Variants in ACOT11 observed in about 807,000 individuals in gnomAD.
ACOT11 encodes acyl-coenzyme A thioesterase 11.
In ACOT11, 69 loss-of-function variants were observed where a neutral mutation model predicts 77.5. The observed-to-expected ratio is 0.89, with a 90% CI of 0.73 to 1.09. ACOT11 has a LOEUF of 1.09. Ranked by LOEUF, ACOT11 falls within the 50% of genes least tolerant of loss-of-function variation. The pLI, the probability that ACOT11 is intolerant of heterozygous loss-of-function variation, is 0.00. For missense variants in ACOT11, 766 were observed against 813.7 expected (o/e 0.94, Z 0.71); for synonymous variants, 279 against 313.0 (o/e 0.89, Z 1.15).
At chr1:54,587,918 C>G (rs1206332875) in intron 3 of ACOT11, among the ~76,000 whole-genome samples, 1 of 151,834 alleles carries the variant, frequency 6.6e-6, no homozygotes, top group African/African-American at 2.4e-5. Context: ...CATTGTATCT[C>G]TAAAGATAGT....
chr1:54,627,880 T>A (rs1644280346), intron 15 of ACOT11, among the ~76,000 whole-genome samples: 1 of 132,342 alleles, frequency 7.6e-6, no homozygotes, highest in African/African-American at 2.6e-5. Flanking sequence ...GAGAAGAGCC[T>A]GTTTGGGAGC....
In ACOT11 at chr1:54,609,519, C is replaced by T; in HGVS notation, c.*407C>T. On this transcript the variant is annotated 3_prime_UTR_variant, in exon 16 of 16. Coordinates refer to ENST00000343744, the MANE Select transcript of ACOT11 (RefSeq NM_147161.4). ...TGGAAGGACACAGGTTGCCAGAGCC[C>T]CTGGCACAACTCTAGCATATCTGTG... 6.2e-7 allele frequency: 1 copy of T among 1,613,096 alleles called. No homozygotes were observed. Among genetic ancestry groups the T allele is most frequent in the Non-Finnish European group, 8.5e-7 (1 of 1,180,030 alleles).
At chr1:54,556,565 G>T (rs1653264462) in intron 1 of ACOT11, among the ~76,000 whole-genome samples, 4 of 151,742 alleles carry the variant, frequency 2.6e-5, no homozygotes, top group Admixed American at 2.6e-4. Context: ...TTTCATTAAT[G>T]ATTTATAGTT....
chr1:54,596,926 A>G (rs1439513845), intron 6 of ACOT11, among the ~76,000 whole-genome samples: 1 of 152,190 alleles, frequency 6.6e-6, no homozygotes, highest in African/African-American at 2.4e-5. Context: ...AAACAGTCCT[A>G]TCGGGTCGGA....
intron 3 of ACOT11, among the ~76,000 whole-genome samples, chr1:54,590,065 G>A (rs1654652505): frequency 6.6e-6 from 1 of 150,842 alleles, no homozygotes; most frequent in African/African-American, 2.5e-5. Flanking sequence ...TCCAGCCTGG[G>A]CAATAGAGCG....
In ACOT11 at chr1:54,607,385, G is replaced by A; in HGVS notation, c.1502+120G>A. On this transcript the variant is annotated intron_variant, in intron 14 of 15. Transcript: ENST00000343744. The surrounding 1 kb of genome is among the most constrained non-coding windows in gnomAD (Gnocchi z 4.5). The stretch of plus-strand genomic sequence containing the variant: ...CAGAGCTCTGCTTCCCATTGGCTGT[G>A]GGGCCCCAGGCACCACTAGACTTTT... 6.7e-7 allele frequency: 1 copy of A among 1,491,886 alleles called. No individual in the cohort carries two copies. The highest frequency in any genetic ancestry group is 9.1e-7 in the Non-Finnish European group (1 of 1,102,956). 92.4% of individuals were successfully genotyped at this position (1,491,886 alleles called of 1,614,324 possible).
At chr1:54,578,622 A>G (rs1443454589) in intron 1 of ACOT11, among the ~76,000 whole-genome samples, 1 of 152,198 alleles carries the variant, frequency 6.6e-6, no homozygotes, top group Non-Finnish European at 1.5e-5. Flanking sequence ...CTTCAGATTT[A>G]GGAGGAGAAA....
intron 15 of ACOT11, among the ~76,000 whole-genome samples, chr1:54,620,490 G>A (rs1644219112): frequency 6.6e-6 from 1 of 152,148 alleles, no homozygotes; most frequent in African/African-American, 2.4e-5. Context: ...TGGATCACCT[G>A]AGATTAGGAG....
At chr1:54,626,656 T>G (rs1258289008) in intron 15 of ACOT11, among the ~76,000 whole-genome samples, 1 of 137,250 alleles carries the variant, frequency 7.3e-6, no homozygotes, top group East Asian at 2.2e-4. Flanking sequence ...TGTCCCTTCT[T>G]ATTCACACCC....
At chr1:54,619,348 C>T (rs555754679) in intron 15 of ACOT11, among the ~76,000 whole-genome samples, 52 of 152,342 alleles carry the variant, frequency 3.4e-4, no homozygotes, top group Non-Finnish European at 6.9e-4. Context: ...CCACTCTGGG[C>T]TCCAATGTTG....
intron 15 of ACOT11, chr1:54,623,461 T>A (rs1288912374): frequency 1.7e-5 from 21 of 1,212,380 alleles, no homozygotes; most frequent in Non-Finnish European, 2.2e-5. Flanking sequence ...TCCCTGCAGC[T>A]GGAATCCTGT....
chr1:54,573,926 G>A (rs1312458298), intron 1 of ACOT11, among the ~76,000 whole-genome samples: 2 of 152,016 alleles, frequency 1.3e-5, no homozygotes. Context: ...CTACTCAGGA[G>A]GCTGTGGCAG....
Position 54,607,172 on chromosome 1 carries a change from C to T in ACOT11, c.1409C>T (p.Ala470Val), listed in dbSNP as rs1644035960. The T allele has an allele frequency of 1.9e-6, 3 of 1,614,076 alleles. No individual in the cohort carries two copies. Among genetic ancestry groups the T allele is most frequent in the African/African-American group, 2.7e-5 (2 of 74,946 alleles). The stretch of plus-strand genomic sequence containing the variant: ...GTGCAGCAGGTAGACGAGGACGACG[C>T]CATCTACCACGTCACCAGCCCTGCC... Reference protein sequence around the residue: ...ELVQQVDEDDAIYHVTSPALG... With the variant: ...ELVQQVDEDDVIYHVTSPALG... The change falls in exon 14 of 16, where the codon GCC becomes GTC. Residue 470 changes from alanine (A) to valine (V), a missense_variant. Physicochemically the swap from Ala to Val is moderately conservative, Grantham distance 64 (BLOSUM62 0). Coordinates refer to ENST00000343744, the MANE Select transcript of ACOT11 (RefSeq NM_147161.4). This position sits in a 1 kb window ranked among gnomAD's most constrained non-coding sequence, Gnocchi z 4.5.
chr1:54,617,000 A>G (rs961704371), intron 15 of ACOT11, among the ~76,000 whole-genome samples: 1 of 152,140 alleles, frequency 6.6e-6, no homozygotes, highest in African/African-American at 2.4e-5. Context: ...CTCAGTGCCC[A>G]GCCCACAGGG....
intron 1 of ACOT11, among the ~76,000 whole-genome samples, chr1:54,550,304 TGG>T (rs1653018926): frequency 6.6e-6 from 1 of 152,124 alleles, no homozygotes; most frequent in African/African-American, 2.4e-5. Context: ...AGGTGGGTAT[TGG>T]GAGTGGAAGT....
In ACOT11 at chr1:54,548,242, C is replaced by A. The variant is rs890702805; in HGVS notation, c.-68C>A. Reference sequence around the variant, plus strand: ...CCACAGGCTTCATTTGGAGTCAGGCCTGGCTGTTGCTCAGGTGACCAGCTT... The same window carrying A: ...CCACAGGCTTCATTTGGAGTCAGGCATGGCTGTTGCTCAGGTGACCAGCTT... On this transcript the variant is annotated 5_prime_UTR_variant, in exon 1 of 16. In the 5' UTR this introduces an upstream ATG that the reference lacks. Transcript: ENST00000343744. 2 of 1,556,366 alleles carry A rather than the reference C, an allele frequency of 1.3e-6. No homozygotes were observed. Among genetic ancestry groups the A allele is most frequent in the Admixed American group, 3.8e-5 (2 of 52,008 alleles).
At chr1:54,549,007 T>A (rs927419778) in intron 1 of ACOT11, among the ~76,000 whole-genome samples, 4 of 152,014 alleles carry the variant, frequency 2.6e-5, no homozygotes, top group African/African-American at 9.7e-5. Context: ...CTGGCAGAGG[T>A]TGTAAGACTG....
At chr1:54,611,224 A>C (rs11206395), downstream of ACOT11, among the ~76,000 whole-genome samples, 2,606 of 152,222 alleles carry the variant, frequency 0.017, 72 homozygotes, top group African/African-American at 0.059. Flanking sequence ...ACTTGAGGGC[A>C]GAAGTTCGAG....
chr1:54,604,795 C>T (rs951922028), intron 12 of ACOT11, among the ~76,000 whole-genome samples: 2 of 152,196 alleles, frequency 1.3e-5, no homozygotes, highest in Non-Finnish European at 2.9e-5. Context: ...TTCCCCTAGA[C>T]AAGCCACTTC....
Sources: allele counts gnomAD v4.1 joint callset (sites outside exome capture counted in the v4.1 genomes callset), GRCh38; gene constraint gnomAD v4.1.1; non-coding constraint Gnocchi (gnomAD v3.1); transcripts MANE v1.5; gene names NCBI Gene and HGNC (gene_info 2026-07-23, HGNC 2026-07-21).